MRPS9: variants seen among roughly 807,000 people sequenced by gnomAD.
MRPS9 encodes small ribosomal subunit protein uS9m.
A neutral mutation model predicts 59.9 loss-of-function variants in MRPS9; 45 were observed. The observed-to-expected ratio is 0.75, with a 90% CI of 0.59 to 0.96. The LOEUF (loss-of-function observed/expected upper bound fraction) is 0.96. Ranked by LOEUF, MRPS9 falls within the 40% of genes least tolerant of loss-of-function variation. MRPS9 has a pLI of 0.00. For synonymous variants in MRPS9, 171 were observed against 166.8 expected, an observed-to-expected ratio of 1.03 and a Z score of -0.19; for missense variants, 473 against 481.1, an observed-to-expected ratio of 0.98 and a Z score of 0.16.
intron 1 of MRPS9, among the ~76,000 whole-genome samples, chr2:105,041,970 C>T (rs540207464): frequency 7.9e-4 from 121 of 152,294 alleles, no homozygotes; most frequent in African/African-American, 2.7e-3. Flanking sequence ...CTATCATTCT[C>T]ACCTCTCTTT....
intron 1 of MRPS9, among the ~76,000 whole-genome samples, chr2:105,040,984 G>A (rs549616481): frequency 1.3e-5 from 2 of 152,202 alleles, no homozygotes; most frequent in Non-Finnish European, 2.9e-5. Flanking sequence ...GATGTACTGA[G>A]TAATAGTGGG....
intron 1 of MRPS9, among the ~76,000 whole-genome samples, chr2:105,044,134 C>T (rs1303664564): frequency 6.6e-6 from 1 of 151,912 alleles, no homozygotes; most frequent in East Asian, 1.9e-4. Context: ...TGGGGTTTCA[C>T]CATGTTGGCC....
At chr2:105,087,678 T>C (rs933428806) in intron 5 of MRPS9, among the ~76,000 whole-genome samples, 2 of 152,184 alleles carry the variant, frequency 1.3e-5, no homozygotes, top group Non-Finnish European at 2.9e-5. Flanking sequence ...GAATGAACTT[T>C]TACATCCTTA....
chr2:105,042,463 T>C lies in MRPS9; in HGVS notation c.135+4236T>C, dbSNP rs187401350. On this transcript the variant is annotated intron_variant, in intron 1 of 10. Coordinates refer to ENST00000258455, the MANE Select transcript of MRPS9 (RefSeq NM_182640.3). ...GAAGAACAGCAGGTGGCAGATTCAC[T>C]GGGAGCCATCTTGGAAGCTGCCTAC... Among the ~76,000 whole-genome samples the C allele has an allele frequency of 3.6e-3, 554 of 152,368 alleles. 4 individuals are homozygous for C. Among genetic ancestry groups the C allele is most frequent in the Non-Finnish European group, 4.4e-3 (301 of 68,032 alleles).
chr2:105,049,148 T>C (rs751775255), intron 1 of MRPS9, 23 bp from the exon 2 acceptor site: 5 of 1,455,620 alleles, frequency 3.4e-6, no homozygotes, highest in Non-Finnish European at 4.7e-6. Flanking sequence ...TTTTCTTTTC[T>C]TTCCATCTAT....
At chr2:105,041,304 C>G (rs1573412628) in intron 1 of MRPS9, among the ~76,000 whole-genome samples, 1 of 152,138 alleles carries the variant, frequency 6.6e-6, no homozygotes. Flanking sequence ...AGACCAATTG[C>G]TATTTTGAAA....
intron 2 of MRPS9, among the ~76,000 whole-genome samples, chr2:105,059,070 G>A (rs1679848391): frequency 7.1e-6 from 1 of 141,690 alleles, no homozygotes; most frequent in Non-Finnish European, 1.6e-5. Context: ...TTGTTCTGTG[G>A]GGTTTTTTTT....
chr2:105,075,685 G>A (rs55645454), intron 4 of MRPS9, among the ~76,000 whole-genome samples: 32,902 of 152,072 alleles, frequency 0.22, 3,628 homozygotes, highest in Middle Eastern at 0.35. Flanking sequence ...TATTAAGAGA[G>A]TATACCAGAG....
intron 10 of MRPS9, chr2:105,098,362 A>T (rs1156685998): frequency 1.3e-5 from 2 of 152,220 alleles, no homozygotes; most frequent in Non-Finnish European, 2.9e-5. Context: ...TCCTCTGGGC[A>T]AGTAGGTTGG....
intron 5 of MRPS9, 48 bp from the exon 6 acceptor site, chr2:105,088,936 A>G (rs1159129499): frequency 7.8e-7 from 1 of 1,283,254 alleles, no homozygotes; most frequent in East Asian, 2.3e-5. Flanking sequence ...GTTATAATGT[A>G]CCATTGCTCT....
chr2:105,052,769 T>C (rs1679735712), intron 2 of MRPS9, among the ~76,000 whole-genome samples: 1 of 152,164 alleles, frequency 6.6e-6, no homozygotes, highest in African/African-American at 2.4e-5. Context: ...GAGTTGTTGT[T>C]GTTGGGTTTT....
At chr2:105,054,228 A>G (rs1679760672) in intron 2 of MRPS9, among the ~76,000 whole-genome samples, 1 of 152,218 alleles carries the variant, frequency 6.6e-6, no homozygotes, top group Admixed American at 6.5e-5. Context: ...GTGTGTTATT[A>G]TTCCTGTTAC....
At chr2:105,039,046 G>A (rs7603354) in intron 1 of MRPS9, among the ~76,000 whole-genome samples, 72,042 of 151,654 alleles carry the variant, frequency 0.48, 17,293 homozygotes, top group East Asian at 0.66. Context: ...AGAGGGACAG[G>A]GCCCTGAAGG....
chr2:105,080,913 A>G (rs80056230), intron 5 of MRPS9, among the ~76,000 whole-genome samples: 3 of 96,908 alleles, frequency 3.1e-5, no homozygotes, highest in African/African-American at 6.7e-5. Context: ...TCTTGGGGGA[A>G]AAAAAAAAAC....
chr2:105,088,574 C>A (rs1224928461), intron 5 of MRPS9, among the ~76,000 whole-genome samples: 1 of 151,770 alleles, frequency 6.6e-6, no homozygotes, highest in Non-Finnish European at 1.5e-5. Context: ...TCTATAAATA[C>A]CATATATTTT....
At position 105,097,241 on chromosome 2, in the gene MRPS9, C is replaced by T. The variant is rs778158656; in HGVS notation, c.1016C>T (p.Ala339Val). 1.5e-5 allele frequency: 24 copies of T among 1,612,866 alleles called. No homozygotes were observed. Among genetic ancestry groups the T allele is most frequent in the East Asian group, 2.2e-5 (1 of 44,770 alleles). The stretch of plus-strand genomic sequence containing the variant: ...ACAGTCTCAGGGGGCGGGAGGTCAG[C>T]GCAGGCTGGAGCAATACGACTGGCA... ...TCTVSGGGRS[A>V]QAGAIRLAMA... is the part of the protein sequence containing the mutation. Residue 339 changes from alanine to valine, a missense_variant, in exon 10 of 11, where the codon GCG becomes GTG. Physicochemically the swap from Ala to Val is moderately conservative, Grantham distance 64 (BLOSUM62 0). Coordinates refer to ENST00000258455, the MANE Select transcript of MRPS9 (RefSeq NM_182640.3).
intron 1 of MRPS9, among the ~76,000 whole-genome samples, chr2:105,046,155 C>T (rs915386909): frequency 5.9e-5 from 9 of 152,088 alleles, no homozygotes; most frequent in Middle Eastern, 6.8e-3. Context: ...CGTGAGCCAC[C>T]GCACCCAGAC....
In MRPS9 at chr2:105,097,201, C is replaced by T. The variant is rs762934939; in HGVS notation, c.976C>T (p.His326Tyr). The T allele has an allele frequency of 4.4e-6, 7 of 1,602,264 alleles. No individual in the cohort carries two copies. Among genetic ancestry groups the T allele is most frequent in the African/African-American group, 1.3e-5 (1 of 74,416 alleles). The change falls in exon 10 of 11, where the codon CAC becomes TAC. Residue 326 changes from histidine to tyrosine, a missense_variant. By Grantham distance (83) the His-to-Tyr change is moderately conservative (BLOSUM62 2). Coordinates refer to ENST00000258455, the MANE Select transcript of MRPS9 (RefSeq NM_182640.3). ...CCACTTTGTTGACCGGCTGGGAAAGCACGACGTGACCTGCACAGTCTCAGG... is the reference window on the plus strand; with the variant it reads ...CCACTTTGTTGACCGGCTGGGAAAGTACGACGTGACCTGCACAGTCTCAGG... Reference protein sequence around the residue: ...PFHFVDRLGKHDVTCTVSGGG... With the variant: ...PFHFVDRLGKYDVTCTVSGGG...
At chr2:105,058,146 G>A (rs2104446233) in intron 2 of MRPS9, among the ~76,000 whole-genome samples, 1 of 152,304 alleles carries the variant, frequency 6.6e-6, no homozygotes, top group Admixed American at 6.5e-5. Context: ...CTAATGAACA[G>A]AGTCGTTAGG....
Sources: gnomAD v4.1 joint callset for allele counts (sites outside exome capture counted in the v4.1 genomes callset) on GRCh38, gnomAD v4.1.1 for gene constraint, MANE v1.5 for transcripts, NCBI Gene and HGNC (gene_info 2026-07-23, HGNC 2026-07-21) for gene names.